The following FAM107A variants were observed in gnomAD, a reference collection of about 807,000 sequenced individuals.
The protein encoded by FAM107A is family with sequence similarity 107 member A.
FAM107A carries 19 observed loss-of-function variants against 13.7 expected under a neutral mutation model. The observed-to-expected ratio is 1.38, with a 90% CI of 0.97 to 2.03. FAM107A has a LOEUF of 2.03. FAM107A is among the 30% of genes most tolerant of loss of function. FAM107A has a pLI of 0.00. For missense variants in FAM107A, 203 were observed against 184.4 expected (o/e 1.10, Z -0.58); for synonymous variants, 82 against 74.5 (o/e 1.10, Z -0.52).
intron 1 of FAM107A, among the ~76,000 whole-genome samples, chr3:58,622,434 CTG>C (rs2065965004): frequency 6.9e-6 from 1 of 144,502 alleles, no homozygotes; most frequent in South Asian, 2.4e-4. Context: ...GGGCGAGACT[CTG>C]TACTACCCCT....
At chr3:58,597,228 G>T (rs2065715025) in intron 1 of FAM107A, among the ~76,000 whole-genome samples, 1 of 152,208 alleles carries the variant, frequency 6.6e-6, no homozygotes, top group Non-Finnish European at 1.5e-5. Flanking sequence ...AGTGGACTTG[G>T]GGGATCATAA....
At chr3:58,608,681 C>T (rs1407042935) in intron 1 of FAM107A, among the ~76,000 whole-genome samples, 2 of 152,166 alleles carry the variant, frequency 1.3e-5, no homozygotes, top group East Asian at 3.9e-4. Flanking sequence ...GATTCTCCTT[C>T]CCCAGACCCC....
intron 1 of FAM107A, among the ~76,000 whole-genome samples, chr3:58,603,301 A>G (rs1559484220): frequency 6.6e-6 from 1 of 152,174 alleles, no homozygotes; most frequent in Non-Finnish European, 1.5e-5. Flanking sequence ...TGATGTTCGT[A>G]TACTGAACAC....
At chr3:58,614,128 C>A (rs2065879771) in intron 1 of FAM107A, among the ~76,000 whole-genome samples, 2 of 152,236 alleles carry the variant, frequency 1.3e-5, no homozygotes, top group Admixed American at 1.3e-4. Context: ...AGGGTTGAGC[C>A]CATTAGCCAT....
At chr3:58,594,276 G>A (rs959077561) in intron 1 of FAM107A, among the ~76,000 whole-genome samples, 2 of 152,128 alleles carry the variant, frequency 1.3e-5, no homozygotes, top group Admixed American at 6.5e-5. Context: ...CCTTCCCCTT[G>A]TTCTTTGGAC....
rs1002482290 is a variant in FAM107A, at chr3:58,577,147, C to T, written c.-6+162G>A. Among the ~76,000 whole-genome samples the T allele has an allele frequency of 2.0e-5, 3 of 152,236 alleles. No homozygotes were observed. Among genetic ancestry groups the T allele is most frequent in the African/African-American group, 7.2e-5 (3 of 41,468 alleles). On this transcript the variant is annotated intron_variant, in intron 1 of 3. Transcript: ENST00000360997. The surrounding 1 kb of genome is among the most constrained non-coding windows in gnomAD (Gnocchi z 4.9). ...GGGTGCCTGGAGGCATCTCCCGTAT[C>T]ATTTTATGGATGCTGGGACATAGCC...
chr3:58,587,083 A>T, exon 1 of FAM107A: 1 of 1,363,844 alleles, frequency 7.3e-7, no homozygotes, highest in African/African-American at 1.5e-5. Flanking sequence ...CGGCGGCCGG[A>T]GGGGCGGGCG....
Position 58,566,696 on chromosome 3 carries a change from CT to C in FAM107A, c.328-2del. On this transcript the variant is annotated splice_acceptor_variant, in intron 3 of 3. Coordinates refer to ENST00000360997, the MANE Select transcript of FAM107A (RefSeq NM_001076778.3). LOFTEE classifies it high-confidence loss of function. Reference sequence around the variant, plus strand: ...CTTCCTTCTCTGGTGGTTTTTCCAGCTGAAGGAGGGAGAAGCAGAGAGTGAA... The same window carrying C: ...CTTCCTTCTCTGGTGGTTTTTCCAGCGAAGGAGGGAGAAGCAGAGAGTGAA... The C allele has an allele frequency of 6.2e-7, 1 of 1,610,506 alleles. No homozygotes were observed. Among genetic ancestry groups the C allele is most frequent in the Non-Finnish European group, 8.5e-7 (1 of 1,176,822 alleles).
Position 58,613,737 on chromosome 3 carries a change from T to C in FAM107A, c.-70+13679A>G, listed in dbSNP as rs778621629. 2.6e-5 allele frequency among the ~76,000 whole-genome samples: 4 copies of C among 152,074 alleles called. No individual in the cohort carries two copies. Among genetic ancestry groups the C allele is most frequent in the Non-Finnish European group, 5.9e-5 (4 of 67,990 alleles). On this transcript the variant is annotated intron_variant, in intron 1 of 3. Transcript: ENST00000465970. This position sits in a 1 kb window ranked among gnomAD's most constrained non-coding sequence, Gnocchi z 4.6. ...ATATCTCCCAGGGAGAGGTGAGTCTTGGGGAGGCTCAACCCTCCCAAGTGC... is the reference window on the plus strand; with the variant it reads ...ATATCTCCCAGGGAGAGGTGAGTCTCGGGGAGGCTCAACCCTCCCAAGTGC...
chr3:58,625,400 T>C (rs1033865665), intron 1 of FAM107A, among the ~76,000 whole-genome samples: 3 of 152,200 alleles, frequency 2.0e-5, no homozygotes, highest in African/African-American at 7.2e-5. Flanking sequence ...TCTTTCTTGA[T>C]AAGAGATCAC....
In FAM107A at chr3:58,612,437, A is replaced by G. The variant is rs138023430; in HGVS notation, c.-70+14979T>C. On this transcript the variant is annotated intron_variant, in intron 1 of 3. Transcript: ENST00000465970. ...TCTACAAAATATAGAAAAATTAGCC[A>G]GGCCTGGAGGCACATACCTATAGTA... Among the ~76,000 whole-genome samples the G allele has an allele frequency of 7.2e-3, 1,101 of 152,192 alleles. 7 individuals carry two copies. Among genetic ancestry groups the G allele is most frequent in the Middle Eastern group, 0.034 (10 of 294 alleles).
chr3:58,581,126 C>G (rs1048371421), upstream of FAM107A, among the ~76,000 whole-genome samples: 2 of 152,238 alleles, frequency 1.3e-5, no homozygotes, highest in Non-Finnish European at 2.9e-5. Context: ...AGGAAGGACT[C>G]TGGGAAGCCA....
intron 1 of FAM107A, among the ~76,000 whole-genome samples, chr3:58,606,811 C>T (rs1440634076): frequency 1.3e-5 from 2 of 152,226 alleles, no homozygotes; most frequent in Non-Finnish European, 2.9e-5. Flanking sequence ...TGTCAACAGA[C>T]CAACCCCCAC....
At chr3:58,573,148 G>A (rs906653100) in intron 1 of FAM107A, among the ~76,000 whole-genome samples, 2 of 152,154 alleles carry the variant, frequency 1.3e-5, no homozygotes, top group Non-Finnish European at 2.9e-5. Context: ...GATGTGGCTG[G>A]TGCCTTAGCT....
At chr3:58,568,202 A>T (rs889238282) in intron 2 of FAM107A, among the ~76,000 whole-genome samples, 15 of 152,106 alleles carry the variant, frequency 9.9e-5, no homozygotes, top group African/African-American at 2.9e-4. Context: ...TGGGAGGCCG[A>T]GGAGGGCGGA....
intron 1 of FAM107A, among the ~76,000 whole-genome samples, chr3:58,599,693 A>G (rs1465663923): frequency 1.8e-5 from 1 of 56,778 alleles, no homozygotes; most frequent in Admixed American, 1.9e-4. Context: ...AAACAAGTGC[A>G]CCATTTTTTT....
upstream of FAM107A, among the ~76,000 whole-genome samples, chr3:58,591,426 T>C (rs115364796): frequency 0.048 from 7,278 of 151,478 alleles, 237 homozygotes; most frequent in Middle Eastern, 0.075. The surrounding 1 kb of genome is among the most constrained non-coding windows in gnomAD (Gnocchi z 4.3). Context: ...AGCAAGGAGG[T>C]CAGGGTGGCC....
intron 1 of FAM107A, chr3:58,608,867 A>C (rs945440552): frequency 6.6e-6 from 1 of 152,216 alleles, no homozygotes; most frequent in Admixed American, 6.5e-5. Context: ...TTATTCAAGT[A>C]GAAAATTACA....
intron 1 of FAM107A, among the ~76,000 whole-genome samples, chr3:58,599,437 C>A (rs1007059071): frequency 6.6e-6 from 1 of 152,200 alleles, no homozygotes; most frequent in Non-Finnish European, 1.5e-5. Context: ...TACTTGCCAT[C>A]CGTGCCTGAG....
Sources: gnomAD v4.1 joint callset for allele counts (sites outside exome capture counted in the v4.1 genomes callset) on GRCh38, gnomAD v4.1.1 for gene constraint, Gnocchi (gnomAD v3.1) non-coding constraint, MANE v1.5 for transcripts, NCBI Gene and HGNC (gene_info 2026-07-23, HGNC 2026-07-21) for gene names.